Variants in SORCS1 observed in about 807,000 individuals in gnomAD.
SORCS1 encodes the protein VPS10 domain-containing receptor SorCS1.
SORCS1 carries 60 observed loss-of-function variants against 146.1 expected under a neutral mutation model. The observed-to-expected ratio is 0.41, with a 90% CI of 0.33 to 0.51. The LOEUF (loss-of-function observed/expected upper bound fraction) is 0.51. Among genes scored for constraint, SORCS1 ranks in the 20% least tolerant of loss-of-function variants. SORCS1 has a pLI of 0.21. For missense variants in SORCS1, 1,352 were observed against 1,487.6 expected (o/e 0.91, Z 1.50); for synonymous variants, 637 against 584.0 (o/e 1.09, Z -1.31).
At chr10:106,741,555 G>A (rs145522721) in intron 5 of SORCS1, among the ~76,000 whole-genome samples, 68 of 152,148 alleles carry the variant, frequency 4.5e-4, no homozygotes, top group African/African-American at 1.5e-3. Flanking sequence ...CCAAGATTGC[G>A]TCACTGCAAT....
intron 1 of SORCS1, among the ~76,000 whole-genome samples, chr10:107,001,422 C>T (rs551411433): frequency 1.3e-5 from 2 of 152,088 alleles, no homozygotes; most frequent in Admixed American, 6.6e-5. Context: ...GGTGAAGAAG[C>T]CTGGTAGAAG....
intron 18 of SORCS1, among the ~76,000 whole-genome samples, chr10:106,634,252 T>G (rs1049496656): frequency 6.6e-6 from 1 of 152,214 alleles, no homozygotes; most frequent in Non-Finnish European, 1.5e-5. Context: ...CTAGGAAGTG[T>G]CTTGTTAATG....
At chr10:107,062,034 G>C (rs908673668) in intron 1 of SORCS1, among the ~76,000 whole-genome samples, 1 of 152,184 alleles carries the variant, frequency 6.6e-6, no homozygotes, top group East Asian at 1.9e-4. Context: ...CTCTAAGGCA[G>C]GTATTGGCAC....
chr10:106,607,038 TC>T (rs1480154276), intron 23 of SORCS1, 127 bp downstream of exon 23: 26 of 1,252,682 alleles, frequency 2.1e-5, no homozygotes, highest in Admixed American at 8.6e-5. Context: ...CCATGAATGC[TC>T]TTGCATGTGC....
At chr10:106,990,334 A>T (rs1363535064) in intron 1 of SORCS1, among the ~76,000 whole-genome samples, 1 of 152,042 alleles carries the variant, frequency 6.6e-6, no homozygotes, top group Non-Finnish European at 1.5e-5. Flanking sequence ...CAGTGACGTG[A>T]TCTTGGCTCA....
At chr10:107,173,109 T>C in the SORCS1 span, among the ~76,000 whole-genome samples, 2 of 152,184 alleles carry the variant, frequency 1.3e-5, no homozygotes, top group Non-Finnish European at 2.9e-5. Context: ...ACAATACCTA[T>C]GTGCATCCAC....
chr10:107,127,886 C>T (rs748503111), intron 1 of SORCS1, among the ~76,000 whole-genome samples: 1 of 152,302 alleles, frequency 6.6e-6, no homozygotes, highest in East Asian at 1.9e-4. Flanking sequence ...TATCTCTTTC[C>T]TTTACTAGCT....
At chr10:106,981,469 T>C (rs1243389196) in intron 1 of SORCS1, among the ~76,000 whole-genome samples, 1 of 152,178 alleles carries the variant, frequency 6.6e-6, no homozygotes, top group Non-Finnish European at 1.5e-5. Flanking sequence ...ACAAACAAAA[T>C]GCTGGGACAA....
rs562068637 is a variant in SORCS1 at position 106,648,099 on chromosome 10, T to G, written c.2475+4283A>C. 5.6e-4 allele frequency among the ~76,000 whole-genome samples: 86 copies of G among 152,272 alleles called. 2 individuals carry two copies. The highest frequency in any genetic ancestry group is 2.0e-3 in the African/African-American group (82 of 41,568). On this transcript the variant is annotated intron_variant, in intron 18 of 25. Coordinates refer to ENST00000263054, the MANE Select transcript of SORCS1 (RefSeq NM_052918.5). ...CTGGTCTCAAACTCCTGGACTCAAA[T>G]GATCCTCCCACCTTGGCCTCCCAAA... is the stretch of plus-strand genomic sequence containing the variant.
At position 107,026,113 on chromosome 10, in the gene SORCS1, A is replaced by G. The variant is rs953398183; in HGVS notation, c.559-69533T>C. On this transcript the variant is annotated intron_variant, in intron 1 of 25. Coordinates refer to ENST00000263054, the MANE Select transcript of SORCS1 (RefSeq NM_052918.5). ...TCACAGGCATGGAGGTAAGGAATAC[A>G]TGACCCAAATCTGCAGATTTTCAAA... 2.0e-5 allele frequency among the ~76,000 whole-genome samples: 3 copies of G among 152,200 alleles called. No individual in the cohort carries two copies. In the South Asian group the frequency reaches 6.2e-4, roughly 31 times the overall value.
chr10:106,919,871 T>C (rs1442965736), intron 2 of SORCS1, among the ~76,000 whole-genome samples: 6 of 152,222 alleles, frequency 3.9e-5, no homozygotes, highest in Non-Finnish European at 8.8e-5. Flanking sequence ...CTTAAAAGGG[T>C]TCTAGTTTGA....
At chr10:107,087,469 C>T (rs567814496) in intron 1 of SORCS1, among the ~76,000 whole-genome samples, 7 of 152,186 alleles carry the variant, frequency 4.6e-5, no homozygotes, top group Non-Finnish European at 1.0e-4. Flanking sequence ...TCTATTACTT[C>T]CCAGCAGTAA....
At chr10:106,771,536 T>A (rs1860022741) in intron 4 of SORCS1, among the ~76,000 whole-genome samples, 2 of 152,214 alleles carry the variant, frequency 1.3e-5, no homozygotes, top group Admixed American at 1.3e-4. Context: ...AGAATTTTTT[T>A]AAATGGGTAG....
At chr10:106,919,105 G>A (rs1952581826) in intron 2 of SORCS1, among the ~76,000 whole-genome samples, 1 of 152,128 alleles carries the variant, frequency 6.6e-6, no homozygotes, top group Non-Finnish European at 1.5e-5. Context: ...CCATAGTGAT[G>A]GAATTATTGG....
chr10:107,012,775 T>G (rs1441284831), intron 1 of SORCS1, among the ~76,000 whole-genome samples: 1 of 152,224 alleles, frequency 6.6e-6, no homozygotes, highest in African/African-American at 2.4e-5. Context: ...AATCCTATAG[T>G]TCCCCACAGA....
chr10:106,620,657 C>T (rs957364524), intron 19 of SORCS1, 96 bp from the exon 20 acceptor site: 114 of 1,433,314 alleles, frequency 8.0e-5, no homozygotes, highest in Middle Eastern at 5.0e-4. Flanking sequence ...CTCTTGAAGC[C>T]CCCAAAACCT....
chr10:106,895,704 C>A (rs1172400562), intron 2 of SORCS1, among the ~76,000 whole-genome samples: 1 of 152,134 alleles, frequency 6.6e-6, no homozygotes, highest in Non-Finnish European at 1.5e-5. Context: ...AACGGTACAA[C>A]CACTATGGAA....
rs1844775783 is a variant in SORCS1 at position 106,579,488 on chromosome 10, C to G, written c.3266-14G>C. 1.2e-6 allele frequency: 2 copies of G among 1,613,078 alleles called. No individual in the cohort carries two copies. The highest frequency in any genetic ancestry group is 1.7e-6 in the Non-Finnish European group (2 of 1,179,704). Reference sequence around the variant, plus strand: ...CCACCAGGGGGGCTTGTGGGGGAAACAGAGCAGAGAAAAATGAGCAGAGAA... The same window carrying G: ...CCACCAGGGGGGCTTGTGGGGGAAAGAGAGCAGAGAAAAATGAGCAGAGAA... On this transcript the variant is annotated splice_polypyrimidine_tract_variant and intron_variant, in intron 24 of 25. Transcript: ENST00000263054.
intron 10 of SORCS1, 58 bp downstream of exon 10, chr10:106,688,134 A>G: frequency 3.2e-6 from 5 of 1,573,956 alleles, no homozygotes; most frequent in Non-Finnish European, 4.3e-6. Context: ...CCCTCTGTTA[A>G]ATATCCATTT....
Sources: gnomAD v4.1 joint callset for allele counts (sites outside exome capture counted in the v4.1 genomes callset) on GRCh38, gnomAD v4.1.1 for gene constraint, MANE v1.5 for transcripts, NCBI Gene and HGNC (gene_info 2026-07-23, HGNC 2026-07-21) for gene names.